The following SNTG1 variants were observed in gnomAD, a reference collection of about 807,000 sequenced individuals.
SNTG1 encodes the protein syntrophin gamma 1, also known as gamma-1-syntrophin.
SNTG1 carries 39 observed loss-of-function variants against 74.7 expected under a neutral mutation model. The observed-to-expected ratio is 0.52, with a 90% CI of 0.40 to 0.68. The LOEUF (loss-of-function observed/expected upper bound fraction) is 0.68, where lower values mean the gene tolerates loss of function less well. Among genes scored for constraint, SNTG1 ranks in the 30% least tolerant of loss-of-function variants. SNTG1 has a pLI of 0.00. For missense variants in SNTG1, 685 were observed against 609.5 expected (o/e 1.12, Z -1.30); for synonymous variants, 254 against 217.1 (o/e 1.17, Z -1.49).
chr8:50,244,819 GC>G (rs879729203), intron 2 of SNTG1, among the ~76,000 whole-genome samples: 8 of 152,150 alleles, frequency 5.3e-5, no homozygotes, highest in Middle Eastern at 6.8e-3. Flanking sequence ...AATATGCTTG[GC>G]GATCACAGAA....
chr8:50,307,215 A>G (rs2089936948), intron 2 of SNTG1, among the ~76,000 whole-genome samples: 1 of 152,072 alleles, frequency 6.6e-6, no homozygotes, highest in African/African-American at 2.4e-5. Flanking sequence ...CTATATATGC[A>G]TTCTCTTGTA....
intron 1 of SNTG1, among the ~76,000 whole-genome samples, chr8:49,980,153 C>T (rs1170621042): frequency 6.6e-6 from 1 of 152,182 alleles, no homozygotes; most frequent in East Asian, 1.9e-4. Context: ...GTACCTATTA[C>T]ACATCAAACT....
intron 1 of SNTG1, among the ~76,000 whole-genome samples, chr8:49,979,972 C>T (rs543467755): frequency 1.3e-5 from 2 of 152,294 alleles, no homozygotes; most frequent in African/African-American, 4.8e-5. Flanking sequence ...CCACAGTATT[C>T]GCTCAATGTA....
intron 18 of SNTG1, among the ~76,000 whole-genome samples, chr8:50,758,049 A>G (rs1255281681): frequency 6.6e-6 from 1 of 151,892 alleles, no homozygotes; most frequent in African/African-American, 2.4e-5. Flanking sequence ...ATACATTGTT[A>G]TTATTTTGAA....
At chr8:50,088,517 G>A (rs1171158937) in intron 1 of SNTG1, among the ~76,000 whole-genome samples, 1 of 132,714 alleles carries the variant, frequency 7.5e-6, no homozygotes, top group African/African-American at 2.6e-5. Flanking sequence ...CATTGTCTCA[G>A]CCCAAAATCT....
intron 1 of SNTG1, among the ~76,000 whole-genome samples, chr8:50,117,433 AC>A (rs1223214758): frequency 2.0e-5 from 3 of 152,274 alleles, no homozygotes; most frequent in Middle Eastern, 6.8e-3. Flanking sequence ...TTGATTCCTG[AC>A]ATCAGTATAC....
chr8:50,373,755 G>C (rs2092319121), intron 2 of SNTG1, among the ~76,000 whole-genome samples: 1 of 152,142 alleles, frequency 6.6e-6, no homozygotes, highest in African/African-American at 2.4e-5. Flanking sequence ...TCTAAAGTGA[G>C]ATGTTCTTAA....
At chr8:50,548,839 G>T (rs543606514) in intron 11 of SNTG1, among the ~76,000 whole-genome samples, 2 of 152,218 alleles carry the variant, frequency 1.3e-5, no homozygotes, top group African/African-American at 4.8e-5. Flanking sequence ...TAATACAACT[G>T]GTATTTTTAA....
intron 12 of SNTG1, among the ~76,000 whole-genome samples, chr8:50,588,622 C>G (rs912392139): frequency 1.3e-5 from 2 of 152,148 alleles, no homozygotes; most frequent in Non-Finnish European, 2.9e-5. Context: ...ATACTACACA[C>G]AGCAGTATTC....
In SNTG1 at chr8:50,581,572, C is replaced by A. The variant is rs150766213; in HGVS notation, c.811-9307C>A. On this transcript the variant is annotated intron_variant, in intron 12 of 18. Transcript: ENST00000642720. ...ATGGTATGAATTCTACATTTTGAAGCCATCAGAATTACTATTGTCAATCTA... is the reference window on the plus strand; with the variant it reads ...ATGGTATGAATTCTACATTTTGAAGACATCAGAATTACTATTGTCAATCTA... 3.9e-5 allele frequency among the ~76,000 whole-genome samples: 6 copies of A among 151,976 alleles called. No individual in the cohort carries two copies. In the East Asian group the frequency reaches 1.2e-3, roughly 29 times the overall value.
chr8:50,060,976 A>G (rs1794121936), intron 1 of SNTG1, among the ~76,000 whole-genome samples: 2 of 152,026 alleles, frequency 1.3e-5, no homozygotes, highest in Admixed American at 1.3e-4. Flanking sequence ...TGAGACTTTT[A>G]ATGTTTAAGC....
chr8:50,594,141 A>G (rs79770654), intron 13 of SNTG1, among the ~76,000 whole-genome samples: 1 of 152,166 alleles, frequency 6.6e-6, no homozygotes, highest in Admixed American at 6.5e-5. Flanking sequence ...ACTGAATGGA[A>G]GTCAAGTGAT....
intron 1 of SNTG1, among the ~76,000 whole-genome samples, chr8:50,080,786 A>C (rs983590283): frequency 2.6e-5 from 4 of 152,162 alleles, no homozygotes; most frequent in African/African-American, 9.6e-5. Context: ...TCTGTTTTTC[A>C]ATAAAAATGT....
At chr8:49,987,472 A>G (rs1165667781) in intron 1 of SNTG1, among the ~76,000 whole-genome samples, 1 of 152,142 alleles carries the variant, frequency 6.6e-6, no homozygotes, top group Non-Finnish European at 1.5e-5. Flanking sequence ...TGTTTCCAAA[A>G]TCTATTCTTG....
At chr8:50,152,083 A>T (rs7816163) in intron 1 of SNTG1, among the ~76,000 whole-genome samples, 66,070 of 151,918 alleles carry the variant, frequency 0.43, 18,079 homozygotes, top group African/African-American at 0.79. Context: ...GCTTTATGAA[A>T]CTGGGTGCTC....
At chr8:50,544,480 A>G (rs1014579488) in intron 11 of SNTG1, among the ~76,000 whole-genome samples, 12 of 151,988 alleles carry the variant, frequency 7.9e-5, no homozygotes, top group African/African-American at 2.7e-4. Flanking sequence ...ATTTCTATTA[A>G]GAGAATGTAT....
chr8:50,600,815 AT>A (rs916557417), intron 13 of SNTG1, among the ~76,000 whole-genome samples: 11 of 147,940 alleles, frequency 7.4e-5, no homozygotes, highest in South Asian at 2.2e-4. Context: ...TCTTTATTCT[AT>A]TTTTTTTTCC....
At chr8:50,580,957 G>T (rs6988032) in intron 12 of SNTG1, among the ~76,000 whole-genome samples, 86,408 of 151,936 alleles carry the variant, frequency 0.57, 29,180 homozygotes, top group East Asian at 0.78. Context: ...AGACACATGG[G>T]CCAGGATGTG....
intron 1 of SNTG1, among the ~76,000 whole-genome samples, chr8:50,081,741 C>T (rs1313920784): frequency 6.6e-6 from 1 of 152,122 alleles, no homozygotes; most frequent in Non-Finnish European, 1.5e-5. Flanking sequence ...TCAAGTGATT[C>T]TTCTGCCTCA....
Sources: gnomAD v4.1 joint callset for allele counts (sites outside exome capture counted in the v4.1 genomes callset) on GRCh38, gnomAD v4.1.1 for gene constraint, MANE v1.5 for transcripts, NCBI Gene and HGNC (gene_info 2026-07-23, HGNC 2026-07-21) for gene names.